PIK3CB: variants seen among roughly 807,000 people sequenced by gnomAD.
PIK3CB encodes the protein phosphatidylinositol-4,5-bisphosphate 3-kinase catalytic subunit beta.
PIK3CB carries 39 observed loss-of-function variants against 136.8 expected under a neutral mutation model. The observed-to-expected ratio is 0.29, with a 90% confidence interval of 0.22 to 0.37. The LOEUF (loss-of-function observed/expected upper bound fraction) is 0.37, where lower values mean the gene tolerates loss of function less well. PIK3CB is among the 10% of genes least tolerant of loss of function. PIK3CB has a pLI of 1.00. For missense variants in PIK3CB, 868 were observed against 1,275.4 expected (o/e 0.68, Z 4.87); for synonymous variants, 428 against 436.6 (o/e 0.98, Z 0.25).
chr3:138,803,748 TGGCCTCCTTCTCTG>T (rs1309084847), intron 1 of PIK3CB, among the ~76,000 whole-genome samples: 1 of 152,134 alleles, frequency 6.6e-6, no homozygotes, highest in African/African-American at 2.4e-5. Flanking sequence ...CTGGAGCTGA[TGGCCTCCTTCTCTG>T]GGCCTCCATT....
chr3:138,765,866 G>T (rs2045726550), intron 2 of PIK3CB, among the ~76,000 whole-genome samples: 1 of 152,060 alleles, frequency 6.6e-6, no homozygotes, highest in Non-Finnish European at 1.5e-5. Context: ...GTGAGACGAA[G>T]TGGGGCGAAA....
At chr3:138,806,500 A>G (rs969041686) in intron 1 of PIK3CB, among the ~76,000 whole-genome samples, 1 of 152,058 alleles carries the variant, frequency 6.6e-6, no homozygotes, top group Non-Finnish European at 1.5e-5. Context: ...AAAAAAGATC[A>G]CTGTTATATT....
chr3:138,664,534 G>A (rs186822668), intron 20 of PIK3CB, among the ~76,000 whole-genome samples: 33 of 152,306 alleles, frequency 2.2e-4, no homozygotes, highest in Admixed American at 9.2e-4. Flanking sequence ...ACAAGTTCTC[G>A]ATAAAATGTG....
intron 11 of PIK3CB, among the ~76,000 whole-genome samples, chr3:138,706,560 T>C (rs1049623542): frequency 1.3e-5 from 2 of 152,234 alleles, no homozygotes; most frequent in African/African-American, 4.8e-5. Flanking sequence ...CATATGAATA[T>C]ATTTATAGCC....
At chr3:138,758,702 AC>A (rs1170790826) in intron 3 of PIK3CB, among the ~76,000 whole-genome samples, 1 of 152,160 alleles carries the variant, frequency 6.6e-6, no homozygotes. Flanking sequence ...TTTTTGAAAA[AC>A]ATTAGAAAGA....
rs1398559081 is a variant in PIK3CB at position 138,705,167 on chromosome 3, A to AC, written c.1531-675_1531-674insG. On this transcript the variant is annotated intron_variant, in intron 11 of 23. Coordinates refer to ENST00000674063, the MANE Select transcript of PIK3CB (RefSeq NM_006219.3). ...GAGATTAGAAAGGCAAAAAAAAAAA[A>AC]AAAAAACAAAAAACAAAACAAACAA... 1.5e-3 allele frequency among the ~76,000 whole-genome samples: 146 copies of AC among 96,394 alleles called. 14 individuals carry two copies. Among genetic ancestry groups the AC allele is most frequent in the Middle Eastern group, 4.3e-3 (1 of 232 alleles). 63.2% of individuals were successfully genotyped at this position (96,394 alleles called of 152,430 possible). A position where few individuals can be genotyped will look rare whatever the true frequency, so the allele number is the denominator to read the frequency against.
intron 2 of PIK3CB, among the ~76,000 whole-genome samples, chr3:138,782,113 T>C (rs1297719136): frequency 6.6e-6 from 1 of 152,212 alleles, no homozygotes; most frequent in Admixed American, 6.5e-5. Context: ...ATGTAGACTA[T>C]TTAAACAAGT....
intron 4 of PIK3CB, among the ~76,000 whole-genome samples, chr3:138,755,426 G>A (rs1459033104): frequency 6.6e-6 from 1 of 152,142 alleles, no homozygotes; most frequent in Non-Finnish European, 1.5e-5. Context: ...AGGATCACTT[G>A]AGCCCAGGAG....
intron 13 of PIK3CB, among the ~76,000 whole-genome samples, chr3:138,698,097 T>A (rs1409117865): frequency 6.6e-6 from 1 of 152,196 alleles, no homozygotes; most frequent in Non-Finnish European, 1.5e-5. Flanking sequence ...AATTGAGAAG[T>A]GAAACAATAA....
chr3:138,661,231 CCTT>C (rs919060786), intron 21 of PIK3CB, among the ~76,000 whole-genome samples: 3 of 152,186 alleles, frequency 2.0e-5, no homozygotes, highest in Admixed American at 6.5e-5. Context: ...AAATCTATCT[CCTT>C]CTTGGCATAG....
chr3:138,771,316 G>A (rs558305018), intron 2 of PIK3CB, among the ~76,000 whole-genome samples: 3 of 146,508 alleles, frequency 2.0e-5, no homozygotes, highest in South Asian at 2.2e-4. Flanking sequence ...TCTGCCTCCC[G>A]GGATCATGCC....
chr3:138,807,613 G>T (rs1038216183), intron 1 of PIK3CB, among the ~76,000 whole-genome samples: 38 of 152,118 alleles, frequency 2.5e-4, no homozygotes, highest in African/African-American at 8.7e-4. Flanking sequence ...TCCAGGTGTG[G>T]TGGGAACAGT....
intron 8 of PIK3CB, among the ~76,000 whole-genome samples, chr3:138,724,225 C>T (rs361059): frequency 0.6 from 90,534 of 151,976 alleles, 27,807 homozygotes; most frequent in East Asian, 0.99. Context: ...TTTGCTCTAA[C>T]GGCTCACAAA....
At chr3:138,760,885 C>G (rs572929719) in intron 2 of PIK3CB, among the ~76,000 whole-genome samples, 268 of 152,188 alleles carry the variant, frequency 1.8e-3, no homozygotes, top group African/African-American at 6.2e-3. Context: ...CCAGCCTGGA[C>G]AACAAAGTGA....
intron 19 of PIK3CB, among the ~76,000 whole-genome samples, chr3:138,680,832 C>T (rs2043757947): frequency 6.6e-6 from 1 of 152,090 alleles, no homozygotes; most frequent in South Asian, 2.1e-4. Flanking sequence ...GGATTACAGG[C>T]TCCTGCCACC....
At chr3:138,787,364 CAAAAAAAA>C (rs1204151568) in intron 2 of PIK3CB, among the ~76,000 whole-genome samples, 1 of 52,094 alleles carries the variant, frequency 1.9e-5, no homozygotes, top group Non-Finnish European at 3.9e-5. Context: ...AGACTCCGCT[CAAAAAAAA>C]AAAAAAAAAG....
At chr3:138,716,319 A>G (rs2044605917) in intron 8 of PIK3CB, among the ~76,000 whole-genome samples, 1 of 152,140 alleles carries the variant, frequency 6.6e-6, no homozygotes, top group African/African-American at 2.4e-5. Context: ...GCTCCTCTGC[A>G]TTGGAAAAAT....
At chr3:138,765,497 C>T (rs1286599201) in intron 2 of PIK3CB, among the ~76,000 whole-genome samples, 2 of 151,900 alleles carry the variant, frequency 1.3e-5, no homozygotes, top group Non-Finnish European at 2.9e-5. Flanking sequence ...AAATATTTTA[C>T]CAATACATAG....
chr3:138,683,591 T>TA, intron 18 of PIK3CB, 87 bp downstream of exon 18: 1 of 758,094 alleles, frequency 1.3e-6, no homozygotes, highest in Non-Finnish European at 2.3e-6. Context: ...GTTACACACT[T>TA]ACACTACACA....
Sources: gnomAD v4.1 joint callset for allele counts (sites outside exome capture counted in the v4.1 genomes callset) on GRCh38, gnomAD v4.1.1 for gene constraint, MANE v1.5 for transcripts, NCBI Gene and HGNC (gene_info 2026-07-23, HGNC 2026-07-21) for gene names.